The following ATF7 variants were observed in gnomAD, a reference collection of about 807,000 sequenced individuals.
ATF7 encodes cyclic AMP-dependent transcription factor ATF-7.
Under a neutral mutation model 50.4 loss-of-function variants are expected in ATF7, and 10 were observed. The ratio of observed to expected loss-of-function variants is 0.20; its 90% CI spans 0.12 to 0.34. The LOEUF (loss-of-function observed/expected upper bound fraction) is 0.34, where lower values mean the gene tolerates loss of function less well. Among genes scored for constraint, ATF7 ranks in the 10% least tolerant of loss-of-function variants. The pLI is 1.00. For synonymous variants in ATF7, 201 were observed against 226.4 expected, an observed-to-expected ratio of 0.89 and a Z score of 1.01; for missense variants, 465 against 613.9, an observed-to-expected ratio of 0.76 and a Z score of 2.56.
intron 2 of ATF7, among the ~76,000 whole-genome samples, chr12:53,573,461 G>A (rs140912438): frequency 4.6e-5 from 7 of 152,126 alleles, no homozygotes; most frequent in Admixed American, 1.3e-4. Context: ...CACTTCATTC[G>A]TGTGGATTCA....
chr12:53,607,110 T>C (rs1216004150), intron 1 of ATF7, among the ~76,000 whole-genome samples: 1 of 152,224 alleles, frequency 6.6e-6, no homozygotes, highest in Admixed American at 6.5e-5. Context: ...ATGGTATTTC[T>C]AGTTCTAGAT....
chr12:53,598,724 A>G (rs187428897), intron 2 of ATF7, among the ~76,000 whole-genome samples: 14 of 152,326 alleles, frequency 9.2e-5, no homozygotes, highest in Admixed American at 6.5e-4. Flanking sequence ...TGTTATTTAT[A>G]TCTTTCTTCC....
At chr12:53,582,739 CG>C (rs1459107923) in intron 2 of ATF7, among the ~76,000 whole-genome samples, 2 of 152,084 alleles carry the variant, frequency 1.3e-5, no homozygotes, top group Admixed American at 1.3e-4. Flanking sequence ...CCACCACGCC[CG>C]GCTAATTTTT....
intron 2 of ATF7, among the ~76,000 whole-genome samples, chr12:53,589,966 G>A (rs776606272): frequency 3.3e-5 from 5 of 151,830 alleles, no homozygotes; most frequent in Admixed American, 1.3e-4. Flanking sequence ...TCAGGGTCTC[G>A]CTTTGTTGCC....
chr12:53,509,435 C>T (rs371960033), downstream of ATF7, among the ~76,000 whole-genome samples: 3 of 151,234 alleles, frequency 2.0e-5, no homozygotes, highest in African/African-American at 7.3e-5. Flanking sequence ...CTCAACAGAA[C>T]ATCTCATCTC....
intron 1 of ATF7, among the ~76,000 whole-genome samples, chr12:53,616,163 G>A (rs1032177111): frequency 7.9e-5 from 12 of 152,160 alleles, no homozygotes; most frequent in African/African-American, 2.9e-4. Context: ...TGTGACCACA[G>A]ATGTCCATGC....
intron 2 of ATF7, among the ~76,000 whole-genome samples, chr12:53,593,168 C>A (rs1034815626): frequency 5.9e-5 from 9 of 152,108 alleles, no homozygotes; most frequent in African/African-American, 1.9e-4. Flanking sequence ...TACTTGGGAG[C>A]CTCGGGTGAG....
At position 53,594,941 on chromosome 12, in the gene ATF7, C is replaced by G. The variant is rs1032505333; in HGVS notation, c.48+6012G>C. ...CAGTCCCAGTTTTGTCTATATGATA[C>G]GTAAGAGCGGTCTACTTCCACCACA... is the stretch of plus-strand genomic sequence containing the variant. On this transcript the variant is annotated intron_variant, in intron 2 of 11. Transcript: ENST00000420353. Among the ~76,000 whole-genome samples the G allele has an allele frequency of 2.0e-5, 3 of 150,636 alleles. No homozygotes were observed. In the East Asian group the frequency reaches 5.8e-4, roughly 29 times the overall value.
At chr12:53,612,477 T>C (rs1327501384) in intron 1 of ATF7, among the ~76,000 whole-genome samples, 1 of 151,942 alleles carries the variant, frequency 6.6e-6, no homozygotes, top group East Asian at 1.9e-4. Flanking sequence ...TTTCACCACA[T>C]TGGCCAGAAT....
chr12:53,546,977 CTTTTTTTTTT>C (rs565759569), intron 3 of ATF7, among the ~76,000 whole-genome samples: 4 of 116,432 alleles, frequency 3.4e-5, no homozygotes, highest in African/African-American at 6.1e-5. Flanking sequence ...CAGGCTGGCT[CTTTTTTTTTT>C]TTTTTTTTTT....
In ATF7 at chr12:53,621,603, GA is replaced by G. The variant is rs1319599720; in HGVS notation, c.-22+4675del. Among the ~76,000 whole-genome samples the G allele has an allele frequency of 3.3e-5, 5 of 151,570 alleles. No homozygotes were observed. In the East Asian group the frequency reaches 5.8e-4, roughly 18 times the overall value. ...TCGGGACCAGCCTAGCCAACATGGTGAAACCCCGTCTCTTCTAAAAATACAA... is the reference window on the plus strand; with the variant it reads ...TCGGGACCAGCCTAGCCAACATGGTGAACCCCGTCTCTTCTAAAAATACAA... On this transcript the variant is annotated intron_variant, in intron 1 of 11. Transcript: ENST00000420353.
intron 2 of ATF7, among the ~76,000 whole-genome samples, chr12:53,554,697 T>C (rs1194316838): frequency 6.6e-6 from 1 of 150,910 alleles, no homozygotes; most frequent in Non-Finnish European, 1.5e-5. Context: ...ACCCCATCTC[T>C]ACAAAAAACA....
chr12:53,556,804 G>A (rs1051795996), intron 2 of ATF7, among the ~76,000 whole-genome samples: 4 of 152,132 alleles, frequency 2.6e-5, no homozygotes, highest in Admixed American at 2.6e-4. Flanking sequence ...TCATGGCAAG[G>A]GAATGGTGGG....
At chr12:53,547,607 T>C (rs1167627053) in intron 3 of ATF7, among the ~76,000 whole-genome samples, 1 of 151,884 alleles carries the variant, frequency 6.6e-6, no homozygotes, top group Non-Finnish European at 1.5e-5. Flanking sequence ...AGAGACAGTC[T>C]TGCTCTGTCA....
At chr12:53,620,359 G>A (rs1944325000) in intron 1 of ATF7, among the ~76,000 whole-genome samples, 2 of 151,542 alleles carry the variant, frequency 1.3e-5, no homozygotes, top group Non-Finnish European at 2.9e-5. Context: ...GGCGGATCAC[G>A]AGGTCAGGAG....
At chr12:53,564,879 T>C (rs1335166232) in intron 2 of ATF7, among the ~76,000 whole-genome samples, 2 of 152,218 alleles carry the variant, frequency 1.3e-5, no homozygotes. Context: ...ATCAGATTTT[T>C]TGGCGATTTT....
intron 2 of ATF7, among the ~76,000 whole-genome samples, chr12:53,553,645 C>A (rs1940524890): frequency 6.6e-6 from 1 of 152,210 alleles, no homozygotes; most frequent in African/African-American, 2.4e-5. Context: ...AGGCTCCTGG[C>A]CATATTCCTT....
intron 2 of ATF7, among the ~76,000 whole-genome samples, chr12:53,561,913 A>C (rs951546436): frequency 6.6e-6 from 1 of 152,184 alleles, no homozygotes; most frequent in Non-Finnish European, 1.5e-5. Context: ...CAAGAACAGA[A>C]AACTTTCCCC....
chr12:53,582,494 GA>G (rs140131269), intron 2 of ATF7, among the ~76,000 whole-genome samples: 2,190 of 151,088 alleles, frequency 0.014, 51 homozygotes, highest in African/African-American at 0.05. Context: ...GCCCCAAAAA[GA>G]AAAAAAACCT....
Sources: gnomAD v4.1 joint callset for allele counts (sites outside exome capture counted in the v4.1 genomes callset) on GRCh38, gnomAD v4.1.1 for gene constraint, MANE v1.5 for transcripts, NCBI Gene and HGNC (gene_info 2026-07-23, HGNC 2026-07-21) for gene names.